The following RSAD2 variants were observed in gnomAD, a reference collection of about 807,000 sequenced individuals.
RSAD2 encodes radical S-adenosyl methionine domain containing 2, also known as S-adenosylmethionine-dependent nucleotide dehydratase RSAD2.
RSAD2 carries 38 observed loss-of-function variants against 37.7 expected under a neutral mutation model. The observed-to-expected ratio is 1.01, with a 90% CI of 0.78 to 1.32. The LOEUF (loss-of-function observed/expected upper bound fraction) is 1.32, where lower values mean the gene tolerates loss of function less well. RSAD2 is among the 40% of genes most tolerant of loss of function. The pLI, the probability that RSAD2 is intolerant of heterozygous loss-of-function variation, is 0.00. For missense variants in RSAD2, 428 were observed against 437.5 expected (o/e 0.98, Z 0.19); for synonymous variants, 163 against 157.4 (o/e 1.04, Z -0.27).
In RSAD2 at chr2:6,882,276, CA is replaced by C. The variant is rs140160782; in HGVS notation, c.347-1088del. On this transcript the variant is annotated intron_variant, in intron 1 of 5. Transcript: ENST00000382040. ...GAGTATGTAGGAAGAAGAAAACGTC[CA>C]AAAAAATCTATAACTAGTAATTGCA... Among the ~76,000 whole-genome samples the C allele has an allele frequency of 8.9e-3, 1,344 of 151,722 alleles. 7 individuals are homozygous for C. Among genetic ancestry groups the C allele is most frequent in the African/African-American group, 0.031 (1,290 of 41,380 alleles).
At chr2:6,888,520 T>G (rs1292456202) in intron 3 of RSAD2, among the ~76,000 whole-genome samples, 1 of 152,198 alleles carries the variant, frequency 6.6e-6, no homozygotes, top group Non-Finnish European at 1.5e-5. Flanking sequence ...CCCACCTCTC[T>G]CGTCTTCCCT....
rs964898784 is a variant in RSAD2 at position 6,895,637 on chromosome 2, G to A, written c.922-141G>A. On this transcript the variant is annotated intron_variant, in intron 5 of 5. Transcript: ENST00000382040. ...TGAGTAGAGAGATGGGGTCCAAGGG[G>A]TTCAATATCAGCCACAGATTTCAAA... 1.4e-5 allele frequency: 11 copies of A among 773,576 alleles called. 1 individual carries two copies. The highest frequency in any genetic ancestry group is 5.7e-5 in the Admixed American group (2 of 35,182). 47.9% of individuals were successfully genotyped at this position (773,576 alleles called of 1,614,324 possible).
At position 6,895,794 on chromosome 2, in the gene RSAD2, G is replaced by T; in HGVS notation, c.938G>T (p.Cys313Phe). 1 of 1,613,876 alleles carries T rather than the reference G, an allele frequency of 6.2e-7. No homozygotes were observed. The highest frequency in any genetic ancestry group is 8.5e-7 in the Non-Finnish European group (1 of 1,179,806). Residue 313 changes from cysteine to phenylalanine, a missense_variant, in exon 6 of 6, where the codon TGT (cysteine) becomes TTT (phenylalanine). Cys to Phe is a radical substitution (Grantham distance 205). Transcript: ENST00000382040. ...ATTTTCTAGATGCGCTTTCTGAACT[G>T]TAGAAAGGGACGGAAGGACCCTTCC... ...ILDEYMRFLN[C>F]RKGRKDPSKS...
At chr2:6,893,193 C>T (rs1025410419) in intron 4 of RSAD2, among the ~76,000 whole-genome samples, 1 of 152,134 alleles carries the variant, frequency 6.6e-6, no homozygotes, top group Admixed American at 6.5e-5. Context: ...CTATAGAAGT[C>T]ATAACTGTTT....
At chr2:6,870,960 C>G (rs1429844681) in intron 1 of RSAD2, among the ~76,000 whole-genome samples, 1 of 152,150 alleles carries the variant, frequency 6.6e-6, no homozygotes. Context: ...ACAAAAATTA[C>G]CCAAAATAAT....
chr2:6,866,009 C>T, exon 1 of RSAD2: 1 of 590,912 alleles, frequency 1.7e-6, no homozygotes, highest in East Asian at 6.4e-5. Context: ...GCTCCCGGGG[C>T]TGACACCGAA....
Position 6,866,845 on chromosome 2 carries a change from A to G in RSAD2, c.142+800A>G, listed in dbSNP as rs565331878. On this transcript the variant is annotated intron_variant, in intron 1 of 5. Coordinates refer to the RSAD2 transcript ENST00000442639. The stretch of plus-strand genomic sequence containing the variant: ...AGTTTTTTTTTTATGTCTTAATAGT[A>G]TTGGACTTAAACTTGGGATTATATT... Among the ~76,000 whole-genome samples the G allele has an allele frequency of 4.6e-5, 7 of 152,034 alleles. No individual in the cohort carries two copies. In the South Asian group the frequency reaches 1.5e-3, roughly 32 times the overall value.
chr2:6,883,336 G>A, intron 1 of RSAD2, 35 bp from the exon 2 acceptor site: 1 of 1,596,626 alleles, frequency 6.3e-7, no homozygotes, highest in Middle Eastern at 1.7e-4. Context: ...ATGTATATTT[G>A]TGAAGTGGTA....
rs541142212 is a variant in RSAD2, at chr2:6,867,635, G to A, written c.142+1590G>A. Among the ~76,000 whole-genome samples the A allele has an allele frequency of 7.9e-5, 12 of 152,112 alleles. No individual in the cohort carries two copies. In the East Asian group the frequency reaches 1.7e-3, roughly 22 times the overall value. On this transcript the variant is annotated intron_variant, in intron 1 of 5. Transcript: ENST00000442639. ...CCCCACCAAGGCTATTTGTATCCTC[G>A]GACCTTGACACTCCACAGTCACGTG...
chr2:6,878,061 C>T lies in RSAD2; in HGVS notation c.261C>T (p.Cys87=), dbSNP rs767297433. ...YHFTRQCNYK[C]GFCFHTAKTS... ...TCACTCGCCAGTGCAACTACAAATG[C>T]GGCTTCTGTTTCCACACAGCCAAAA... Residue 87 remains cysteine (C), a synonymous_variant, in exon 1 of 6, where the codon TGC becomes TGT. Coordinates refer to ENST00000382040, the MANE Select transcript of RSAD2 (RefSeq NM_080657.5). The T allele has an allele frequency of 3.2e-5, 52 of 1,614,066 alleles. No homozygotes were observed. The highest frequency in any genetic ancestry group is 1.6e-4 in the Middle Eastern group (1 of 6,084).
chr2:6,895,179 C>T (rs1041544651), intron 5 of RSAD2, among the ~76,000 whole-genome samples: 1 of 152,200 alleles, frequency 6.6e-6, no homozygotes, highest in Non-Finnish European at 1.5e-5. Flanking sequence ...AGAGCCTTCG[C>T]AGGTCATGGA....
intron 3 of RSAD2, among the ~76,000 whole-genome samples, chr2:6,887,529 A>G (rs1418294874): frequency 6.6e-6 from 1 of 152,252 alleles, no homozygotes; most frequent in Non-Finnish European, 1.5e-5. Context: ...ATGGACAGAT[A>G]CCGGTTCCTC....
chr2:6,881,818 G>A (rs560300191), intron 1 of RSAD2, among the ~76,000 whole-genome samples: 6 of 151,972 alleles, frequency 3.9e-5, no homozygotes, highest in Admixed American at 2.6e-4. Context: ...GGTGTATAAC[G>A]CACAAGCCCA....
At chr2:6,889,163 G>A (rs1191534105) in intron 3 of RSAD2, among the ~76,000 whole-genome samples, 2 of 152,174 alleles carry the variant, frequency 1.3e-5, no homozygotes, top group African/African-American at 4.8e-5. Flanking sequence ...TTCTTTGATA[G>A]TCAAGTCTGC....
At position 6,895,848 on chromosome 2, in the gene RSAD2, A is replaced by C; in HGVS notation, c.992A>C (p.Glu331Ala). 1 of 1,614,194 alleles carries C rather than the reference A, an allele frequency of 6.2e-7. No individual in the cohort carries two copies. The highest frequency in any genetic ancestry group is 8.5e-7 in the Non-Finnish European group (1 of 1,179,990). The change falls in exon 6 of 6, where the codon GAA (glutamate) becomes GCA (alanine). Residue 331 changes from glutamate (E) to alanine (A), a missense_variant. By Grantham distance (107) the Glu-to-Ala change is moderately radical (BLOSUM62 -1). Transcript: ENST00000382040. ...SKSILDVGVE[E>A]AIKFSGFDEK... ...TCCATCCTGGATGTTGGTGTAGAAG[A>C]AGCTATAAAATTCAGTGGATTTGAT...
chr2:6,887,247 C>A, intron 3 of RSAD2, 83 bp downstream of exon 3: 1 of 1,045,594 alleles, frequency 9.6e-7, no homozygotes, highest in Non-Finnish European at 1.4e-6. Context: ...GAAAACAATA[C>A]TGATACAAGA....
At chr2:6,868,696 T>C (rs554494728) in intron 1 of RSAD2, among the ~76,000 whole-genome samples, 51 of 152,362 alleles carry the variant, frequency 3.3e-4, no homozygotes, top group Non-Finnish European at 6.5e-4. Flanking sequence ...GGCTTACAAT[T>C]TGAAGAGTAT....
upstream of RSAD2, among the ~76,000 whole-genome samples, chr2:6,876,378 C>T (rs927717045): frequency 3.9e-5 from 6 of 152,162 alleles, no homozygotes; most frequent in African/African-American, 1.4e-4. Context: ...CCACTAGGAT[C>T]GTGCTGACCT....
chr2:6,898,053 G>A lies in RSAD2; in HGVS notation c.*2111G>A, dbSNP rs1387929026. On this transcript the variant is annotated 3_prime_UTR_variant, in exon 6 of 6. Transcript: ENST00000382040. ...ACTAAGAAAGGTCACATATGTGAAA[G>A]CCCAAGGACACTGTTTGATATACAG... 4.0e-5 allele frequency: 6 copies of A among 148,882 alleles called. No homozygotes were observed. The highest frequency in any genetic ancestry group is 1.5e-4 in the African/African-American group (6 of 40,164). 9.2% of individuals were successfully genotyped at this position (148,882 alleles called of 1,614,324 possible).
Sources: gnomAD v4.1 joint callset for allele counts (sites outside exome capture counted in the v4.1 genomes callset) on GRCh38, gnomAD v4.1.1 for gene constraint, MANE v1.5 for transcripts, NCBI Gene and HGNC (gene_info 2026-07-23, HGNC 2026-07-21) for gene names.